NAALADL2: variants seen among roughly 807,000 people sequenced by gnomAD.
NAALADL2 encodes inactive N-acetylated-alpha-linked acidic dipeptidase-like protein 2.
In NAALADL2, 76 loss-of-function variants were observed where a neutral mutation model predicts 87.2. The observed-to-expected ratio is 0.87, with a 90% CI of 0.72 to 1.05. The LOEUF (loss-of-function observed/expected upper bound fraction) is 1.05. Ranked by LOEUF, NAALADL2 falls within the 50% of genes least tolerant of loss-of-function variation. The probability of loss-of-function intolerance (pLI) is 0.00; values close to 1 mark genes in which losing one functional copy is unlikely to be tolerated. For synonymous variants in NAALADL2, 354 were observed against 331.0 expected, an observed-to-expected ratio of 1.07 and a Z score of -0.75; for missense variants, 1,089 against 945.8, an observed-to-expected ratio of 1.15 and a Z score of -1.99.
At chr3:175,572,307 A>G (rs1463263708) in intron 9 of NAALADL2, among the ~76,000 whole-genome samples, 1 of 151,958 alleles carries the variant, frequency 6.6e-6, no homozygotes, top group African/African-American at 2.4e-5. Context: ...AATAGTCCAC[A>G]TGTAGCATCA....
At chr3:174,942,433 A>C (rs763120089) in intron 1 of NAALADL2, among the ~76,000 whole-genome samples, 1 of 152,114 alleles carries the variant, frequency 6.6e-6, no homozygotes, top group Non-Finnish European at 1.5e-5. Context: ...CTTTGCAGCT[A>C]ACCTGCCCTT....
At chr3:175,191,654 C>T (rs561911341) in intron 2 of NAALADL2, among the ~76,000 whole-genome samples, 6 of 152,056 alleles carry the variant, frequency 3.9e-5, no homozygotes, top group South Asian at 2.1e-4. Flanking sequence ...CTTTGCTGAG[C>T]GATAAAGTTT....
chr3:175,004,131 T>C (rs1413577596), intron 1 of NAALADL2, among the ~76,000 whole-genome samples: 1 of 152,106 alleles, frequency 6.6e-6, no homozygotes, highest in East Asian at 1.9e-4. Flanking sequence ...ATCCCAGCAC[T>C]GGGAGGCCAA....
chr3:175,407,907 A>G (rs1458718068), intron 5 of NAALADL2, among the ~76,000 whole-genome samples: 4 of 152,338 alleles, frequency 2.6e-5, no homozygotes, highest in Middle Eastern at 3.4e-3. Flanking sequence ...AAAAAGGTAT[A>G]TTAGAAACTT....
At chr3:174,545,930 T>C (rs1722691858) in intron 1 of NAALADL2, among the ~76,000 whole-genome samples, 1 of 151,190 alleles carries the variant, frequency 6.6e-6, no homozygotes, top group Non-Finnish European at 1.5e-5. Context: ...ATTTTATATA[T>C]TTATATTTTG....
rs184315893 is a variant in NAALADL2, at chr3:175,346,443, C to T, written c.1090+22118C>T. Among the ~76,000 whole-genome samples the T allele has an allele frequency of 3.1e-3, 475 of 152,220 alleles. 3 individuals are homozygous for T. Among genetic ancestry groups the T allele is most frequent in the Admixed American group, 0.012 (188 of 15,272 alleles). ...CCTCAATGAGCGCACCAAAAAACTT[C>T]ATCCTTACCCCACCATAGACAGTGA... On this transcript the variant is annotated intron_variant, in intron 5 of 13. Transcript: ENST00000454872.
chr3:174,942,383 G>A (rs548742473), intron 1 of NAALADL2, among the ~76,000 whole-genome samples: 1 of 152,248 alleles, frequency 6.6e-6, no homozygotes, highest in South Asian at 2.1e-4. Context: ...TGCTTGTAGA[G>A]TCTCAGCTGA....
intron 1 of NAALADL2, among the ~76,000 whole-genome samples, chr3:174,988,910 G>C (rs1746341469): frequency 6.6e-6 from 1 of 152,208 alleles, no homozygotes; most frequent in East Asian, 1.9e-4. Context: ...ATAAAGAAAA[G>C]AGATTTATTT....
intron 2 of NAALADL2, among the ~76,000 whole-genome samples, chr3:174,642,781 T>C (rs1723375278): frequency 7.7e-6 from 1 of 129,358 alleles, no homozygotes; most frequent in Non-Finnish European, 1.5e-5. Context: ...TATATATATA[T>C]ATATATATGT....
intron 2 of NAALADL2, among the ~76,000 whole-genome samples, chr3:174,634,712 A>T (rs1046711261): frequency 6.6e-6 from 1 of 152,164 alleles, no homozygotes; most frequent in Non-Finnish European, 1.5e-5. Flanking sequence ...ATTAGTTGTT[A>T]TGCTTCTTCA....
chr3:174,566,825 G>T (rs1714337144), intron 2 of NAALADL2, among the ~76,000 whole-genome samples: 1 of 148,024 alleles, frequency 6.8e-6, no homozygotes, highest in Non-Finnish European at 1.5e-5. Flanking sequence ...TTTTCAAATC[G>T]CTGGTGTTTG....
At chr3:175,072,591 C>T (rs1343016835) in intron 1 of NAALADL2, among the ~76,000 whole-genome samples, 2 of 147,990 alleles carry the variant, frequency 1.4e-5, no homozygotes, top group African/African-American at 5.0e-5. Flanking sequence ...ACAGACATTA[C>T]TACTAGACTT....
intron 4 of NAALADL2, among the ~76,000 whole-genome samples, chr3:175,274,131 G>A (rs1053585872): frequency 6.6e-6 from 1 of 152,046 alleles, no homozygotes; most frequent in Non-Finnish European, 1.5e-5. Context: ...GGCTGGGGAG[G>A]CCTCACAATC....
chr3:175,803,545 A>G lies in NAALADL2; in HGVS notation c.*342A>G, dbSNP rs1171013622. On this transcript the variant is annotated 3_prime_UTR_variant, in exon 14 of 14. Coordinates refer to ENST00000454872, the MANE Select transcript of NAALADL2 (RefSeq NM_207015.3). ...CTTTGTTCCTATGGGGAGGGCATAT[A>G]GGAACACAGTTTATTCTCTCTGATA... 5.9e-6 allele frequency: 1 copy of G among 168,708 alleles called. No individual in the cohort carries two copies. The highest frequency in any genetic ancestry group is 1.3e-5 in the Non-Finnish European group (1 of 78,400). The allele number at this position is 168,708 out of a possible 1,614,324, so 10.5% of individuals were successfully genotyped here. A position where few individuals can be genotyped will look rare whatever the true frequency, so the allele number is the denominator to read the frequency against.
intron 11 of NAALADL2, among the ~76,000 whole-genome samples, chr3:175,735,260 C>T (rs998393188): frequency 3.3e-5 from 5 of 152,170 alleles, no homozygotes; most frequent in African/African-American, 1.2e-4. Context: ...ATTTCATTTT[C>T]TCTATAATTG....
rs189761988 is a variant in NAALADL2, at chr3:174,499,789, A to C, written c.-183-50780A>C. Among the ~76,000 whole-genome samples, 332 of 152,154 alleles carry C rather than the reference A, an allele frequency of 2.2e-3. 2 individuals carry two copies. The highest frequency in any genetic ancestry group is 9.5e-3 in the South Asian group (46 of 4,826). The stretch of plus-strand genomic sequence containing the variant: ...TTTTGTTACATTGATCTATTTGGCT[A>C]TCTCTAAGCTGACACTGTACTTTCT... On this transcript the variant is annotated intron_variant, in intron 1 of 3. Transcript: ENST00000434257.
intron 2 of NAALADL2, among the ~76,000 whole-genome samples, chr3:174,674,758 G>T (rs1420345205): frequency 6.6e-6 from 1 of 151,680 alleles, no homozygotes; most frequent in Non-Finnish European, 1.5e-5. Context: ...TTCACTCTTT[G>T]TATGTTTTTT....
intron 2 of NAALADL2, among the ~76,000 whole-genome samples, chr3:174,613,923 T>C (rs951094172): frequency 3.3e-5 from 5 of 152,232 alleles, no homozygotes; most frequent in African/African-American, 1.2e-4. Flanking sequence ...GACTGTGTTC[T>C]TCTCTTTAAG....
chr3:175,606,135 T>C (rs1281768802), intron 10 of NAALADL2, among the ~76,000 whole-genome samples: 1 of 152,188 alleles, frequency 6.6e-6, no homozygotes, highest in Non-Finnish European at 1.5e-5. Flanking sequence ...AAGCCTTGTG[T>C]CTCCAGAGGT....
Sources: allele counts gnomAD v4.1 joint callset (sites outside exome capture counted in the v4.1 genomes callset), GRCh38; gene constraint gnomAD v4.1.1; transcripts MANE v1.5; gene names NCBI Gene and HGNC (gene_info 2026-07-23, HGNC 2026-07-21).